Variants in TRABD2B observed in about 807,000 individuals in gnomAD.
TRABD2B encodes the protein TraB domain containing 2B.
A neutral mutation model predicts 40.1 loss-of-function variants in TRABD2B; 14 were observed. The observed-to-expected ratio is 0.35, with a 90% CI of 0.23 to 0.55. The LOEUF (loss-of-function observed/expected upper bound fraction) is 0.55, where lower values mean the gene tolerates loss of function less well. TRABD2B is among the 20% of genes least tolerant of loss of function. The pLI is 0.90. For missense variants in TRABD2B, 541 were observed against 648.6 expected (o/e 0.83, Z 1.80); for synonymous variants, 263 against 277.0 (o/e 0.95, Z 0.50).
chr1:47,932,653 G>A (rs1645054768), intron 2 of TRABD2B, among the ~76,000 whole-genome samples: 2 of 152,170 alleles, frequency 1.3e-5, no homozygotes, highest in Admixed American at 6.5e-5. Context: ...GGAAGCAAGT[G>A]AACAAGCGGG....
At chr1:47,906,687 A>G (rs576510386) in intron 2 of TRABD2B, among the ~76,000 whole-genome samples, 36 of 152,354 alleles carry the variant, frequency 2.4e-4, no homozygotes, top group Non-Finnish European at 4.3e-4. Flanking sequence ...CACCACAGGA[A>G]AAGCTGGATT....
chr1:47,851,929 C>T (rs916964586), intron 2 of TRABD2B, among the ~76,000 whole-genome samples: 1 of 152,170 alleles, frequency 6.6e-6, no homozygotes, highest in African/African-American at 2.4e-5. Context: ...GACTGTCTGG[C>T]TACAGAATTT....
intron 2 of TRABD2B, among the ~76,000 whole-genome samples, chr1:47,984,315 C>G (rs1431823363): frequency 6.6e-6 from 1 of 152,232 alleles, no homozygotes; most frequent in Non-Finnish European, 1.5e-5. Context: ...GATCGAGTGA[C>G]GGGCGAGGAC....
intron 5 of TRABD2B, among the ~76,000 whole-genome samples, chr1:47,778,229 T>G (rs1644473750): frequency 6.6e-6 from 1 of 152,188 alleles, no homozygotes; most frequent in Non-Finnish European, 1.5e-5. Context: ...TCTCCAGTCT[T>G]AACGCTGCTC....
chr1:47,769,513 T>A (rs1424015602), intron 6 of TRABD2B, among the ~76,000 whole-genome samples: 2 of 152,092 alleles, frequency 1.3e-5, no homozygotes, highest in Admixed American at 1.3e-4. Context: ...GACTGGTGGG[T>A]GGGGGGTGTG....
intron 2 of TRABD2B, among the ~76,000 whole-genome samples, chr1:47,949,152 T>C (rs900868960): frequency 1.3e-5 from 2 of 152,186 alleles, no homozygotes; most frequent in African/African-American, 4.8e-5. Context: ...TTAATGCTAC[T>C]ATGATGCATG....
intron 2 of TRABD2B, among the ~76,000 whole-genome samples, chr1:47,846,108 G>A (rs937453676): frequency 2.6e-5 from 4 of 152,212 alleles, no homozygotes; most frequent in Non-Finnish European, 5.9e-5. Flanking sequence ...GCTATGCAAA[G>A]ACTGCTAGAG....
intron 4 of TRABD2B, among the ~76,000 whole-genome samples, chr1:47,782,695 G>A (rs1644541615): frequency 6.6e-6 from 1 of 152,062 alleles, no homozygotes; most frequent in Admixed American, 6.5e-5. Context: ...CAGGAATTTG[G>A]CCCTTGGACC....
intron 2 of TRABD2B, among the ~76,000 whole-genome samples, chr1:47,833,519 G>T (rs562286048): frequency 6.6e-6 from 1 of 152,368 alleles, no homozygotes; most frequent in Non-Finnish European, 1.5e-5. Context: ...GGAGACAGAA[G>T]ATGCTGGGAT....
intron 2 of TRABD2B, among the ~76,000 whole-genome samples, chr1:47,823,432 C>T (rs866555449): frequency 6.6e-6 from 1 of 152,214 alleles, no homozygotes; most frequent in Non-Finnish European, 1.5e-5. Context: ...AGAGGCAAGC[C>T]CCTCCGGCCC....
intron 2 of TRABD2B, among the ~76,000 whole-genome samples, chr1:47,892,073 C>T (rs1340229370): frequency 6.6e-6 from 1 of 152,184 alleles, no homozygotes; most frequent in Non-Finnish European, 1.5e-5. Flanking sequence ...AGAAGCACAG[C>T]CTCCTGGAGT....
chr1:47,961,288 G>C (rs1306935604), intron 2 of TRABD2B, among the ~76,000 whole-genome samples: 1 of 152,178 alleles, frequency 6.6e-6, no homozygotes, highest in Non-Finnish European at 1.5e-5. Context: ...ATACCATTCA[G>C]GACATAGGCA....
At chr1:47,809,855 C>A (rs1644939795) in intron 2 of TRABD2B, among the ~76,000 whole-genome samples, 1 of 152,210 alleles carries the variant, frequency 6.6e-6, no homozygotes, top group African/African-American at 2.4e-5. Flanking sequence ...TCACTACGAA[C>A]CTCTGGGTGA....
At chr1:47,835,836 C>T (rs1042464823) in intron 2 of TRABD2B, among the ~76,000 whole-genome samples, 5 of 152,064 alleles carry the variant, frequency 3.3e-5, no homozygotes, top group Non-Finnish European at 7.4e-5. Context: ...ATAAAGGGTA[C>T]CAGTAAAGAT....
intron 2 of TRABD2B, among the ~76,000 whole-genome samples, chr1:47,832,871 C>T (rs1645269092): frequency 6.6e-6 from 1 of 152,136 alleles, no homozygotes; most frequent in South Asian, 2.1e-4. Flanking sequence ...AGGCACCTAA[C>T]TCTGCTTTGA....
intron 2 of TRABD2B, among the ~76,000 whole-genome samples, chr1:47,962,662 A>G (rs188561047): frequency 1.0e-3 from 159 of 152,358 alleles, no homozygotes; most frequent in African/African-American, 3.7e-3. Flanking sequence ...TGAAGTAGGT[A>G]CTGTGATTCC....
chr1:47,918,489 T>A (rs1243029791), intron 2 of TRABD2B, among the ~76,000 whole-genome samples: 1 of 152,192 alleles, frequency 6.6e-6, no homozygotes, highest in Admixed American at 6.5e-5. Flanking sequence ...CACGGCAGAA[T>A]CTGAATCCAT....
chr1:47,771,800 C>T (rs1644380836), intron 6 of TRABD2B, among the ~76,000 whole-genome samples: 1 of 152,230 alleles, frequency 6.6e-6, no homozygotes, highest in Non-Finnish European at 1.5e-5. Flanking sequence ...ATCATCCTGC[C>T]ATGGGCTACT....
intron 2 of TRABD2B, among the ~76,000 whole-genome samples, chr1:47,899,686 AGTG>A (rs986805353): frequency 2.0e-5 from 3 of 152,102 alleles, no homozygotes; most frequent in African/African-American, 4.8e-5. Flanking sequence ...TTTGTGCAAT[AGTG>A]GTGGTGGTGG....
Sources: allele counts gnomAD v4.1 joint callset (sites outside exome capture counted in the v4.1 genomes callset), GRCh38; gene constraint gnomAD v4.1.1; transcripts MANE v1.5; gene names NCBI Gene and HGNC (gene_info 2026-07-23, HGNC 2026-07-21).